The following ZNF44 variants were observed in gnomAD, a reference collection of about 807,000 sequenced individuals.
ZNF44 encodes gonadotropin inducible transcription repressor-2.
In ZNF44, 9 loss-of-function variants were observed where a neutral mutation model predicts 11.7. That is an observed-to-expected ratio of 0.77 (90% CI 0.46 to 1.35). ZNF44 has a LOEUF of 1.35. Ranked by LOEUF, ZNF44 falls within the 40% of genes most tolerant of loss-of-function variation. The pLI, the probability that ZNF44 is intolerant of heterozygous loss-of-function variation, is 0.00. For synonymous variants in ZNF44, 224 were observed against 242.7 expected, an observed-to-expected ratio of 0.92 and a Z score of 0.72; for missense variants, 696 against 743.1, an observed-to-expected ratio of 0.94 and a Z score of 0.74.
chr19:12,258,685 A>G (rs1475645791), intron 5 of ZNF44, among the ~76,000 whole-genome samples: 1 of 151,976 alleles, frequency 6.6e-6, no homozygotes, highest in Non-Finnish European at 1.5e-5. Flanking sequence ...CAAGAATTAG[A>G]TGGGCGTGGT....
chr19:12,292,855 GTTTTTTTTT>G (rs71166664), intron 1 of ZNF44, among the ~76,000 whole-genome samples: 1 of 76,936 alleles, frequency 1.3e-5, no homozygotes, highest in East Asian at 4.0e-4. Context: ...CAGAGGTTAG[GTTTTTTTTT>G]TTTTTTTTTT....
intron 1 of ZNF44, among the ~76,000 whole-genome samples, chr19:12,294,274 C>T (rs1311961773): frequency 6.6e-6 from 1 of 152,208 alleles, no homozygotes; most frequent in Non-Finnish European, 1.5e-5. Flanking sequence ...CGTCCAGACC[C>T]CTAAACACCC....
downstream of ZNF44, among the ~76,000 whole-genome samples, chr19:12,245,177 T>C (rs952309868): frequency 6.6e-6 from 1 of 152,222 alleles, no homozygotes; most frequent in Non-Finnish European, 1.5e-5. Flanking sequence ...TGGACTTATA[T>C]GCAAATGGTA....
chr19:12,284,285 A>G (rs1967620584), intron 1 of ZNF44: 1 of 435,240 alleles, frequency 2.3e-6, no homozygotes. Context: ...ACATGGAGAT[A>G]ACTAAAAGAT....
At chr19:12,226,032 C>T (rs1457358851), downstream of ZNF44, 1 of 152,136 alleles carries the variant, frequency 6.6e-6, no homozygotes, top group Non-Finnish European at 1.5e-5. Flanking sequence ...GATTTAACAA[C>T]ATGTGTGCTA....
chr19:12,294,792 A>G lies in ZNF44; in HGVS notation c.-98T>C. The stretch of plus-strand genomic sequence containing the variant: ...CCACAGATGTCCCAGGGCGTCTCTC[A>G]GTGACAGAATACGGAACAGAGGTCA... On this transcript the variant is annotated 5_prime_UTR_variant, in exon 1 of 4. Transcript: ENST00000355684. 7.0e-7 allele frequency: 1 copy of G among 1,431,018 alleles called. No individual in the cohort carries two copies. The highest frequency in any genetic ancestry group is 9.4e-7 in the Non-Finnish European group (1 of 1,064,382). 88.6% of individuals were successfully genotyped at this position (1,431,018 alleles called of 1,614,324 possible).
chr19:12,257,798 C>CA (rs1221289652), intron 5 of ZNF44, among the ~76,000 whole-genome samples: 3,823 of 53,286 alleles, frequency 0.072, 321 homozygotes, highest in African/African-American at 0.22. Flanking sequence ...AACTCTGTCT[C>CA]AAAAAAAAAA....
At position 12,275,001 on chromosome 19, in the gene ZNF44, G is replaced by C. The variant is rs764863940; in HGVS notation, c.163C>G (p.Gln55Glu). The change falls in exon 3 of 4, where the codon CAG (glutamine) becomes GAG (glutamate). Residue 55 changes from glutamine (Q) to glutamate (E), a missense_variant. Coordinates refer to ENST00000355684, the MANE Select transcript of ZNF44 (RefSeq NM_016264.4). Reference sequence around the variant, plus strand: ...GGATTTCTCCTGAGATTTTGGTGCTGATCATCAATGTTCTGGTTTTCCCAT... The same window carrying C: ...GGATTTCTCCTGAGATTTTGGTGCTCATCATCAATGTTCTGGTTTTCCCAT... ...MKWENQNIDDQHQNLRRNPRC... is the reference protein window; with the variant it reads ...MKWENQNIDDEHQNLRRNPRC... The C allele has an allele frequency of 1.9e-6, 3 of 1,590,254 alleles. No individual in the cohort carries two copies. In the Admixed American group the frequency reaches 5.2e-5, roughly 28 times the overall value.
In ZNF44 at chr19:12,276,078, G is replaced by A; in HGVS notation, c.8C>T (p.Ser3Leu). The change falls in exon 2 of 4, where the codon TCA (serine) becomes TTA (leucine). Residue 3 changes from serine to leucine, a missense_variant. Physicochemically the swap from Ser to Leu is moderately radical, Grantham distance 145. Transcript: ENST00000355684. MD[S>L]VAFEDVAVNF... is the part of the protein sequence containing the mutation. ...CACAGCCACATCCTCAAAGGCCACT[G>A]AGTCCTGAAACATCCCATATGTCCA... 1.2e-6 allele frequency: 2 copies of A among 1,604,514 alleles called. No homozygotes were observed. Among genetic ancestry groups the A allele is most frequent in the African/African-American group, 1.3e-5 (1 of 74,734 alleles).
At position 12,273,817 on chromosome 19, in the gene ZNF44, A is replaced by G. The variant is rs1305674339; in HGVS notation, c.438T>C (p.Cys146=). ...AGTGGCGATAACTTAAGCCTTTCCCACACTGCTTATGTGTATATGACTTCT... is the reference window on the plus strand; with the variant it reads ...AGTGGCGATAACTTAAGCCTTTCCCGCACTGCTTATGTGTATATGACTTCT... ...YAEKSYTHKQ[C]GKGLSYRHSF... is the part of the protein sequence containing the mutation. The change falls in exon 4 of 4, where the codon TGT becomes TGC. Residue 146 remains cysteine, a synonymous_variant. Coordinates refer to ENST00000355684, the MANE Select transcript of ZNF44 (RefSeq NM_016264.4). 3.1e-6 allele frequency: 5 copies of G among 1,614,022 alleles called. No homozygotes were observed. The Admixed American group carries it at 6.7e-5, about 22-fold the overall frequency.
downstream of ZNF44, among the ~76,000 whole-genome samples, chr19:12,268,145 G>GACACACAC (rs71166661): frequency 0.056 from 7,697 of 136,770 alleles, 247 homozygotes; most frequent in Middle Eastern, 0.069. Context: ...CACACACACA[G>GACACACAC]ACACACACAC....
chr19:12,282,424 T>C (rs932500705), intron 1 of ZNF44, among the ~76,000 whole-genome samples: 2 of 148,248 alleles, frequency 1.3e-5, no homozygotes, highest in East Asian at 1.9e-4. Context: ...AAGTCTTCTT[T>C]TTTTTTTTTT....
chr19:12,294,629 G>C, intron 1 of ZNF44, 63 bp downstream of exon 1: 4 of 1,541,474 alleles, frequency 2.6e-6, no homozygotes, highest in Admixed American at 2.0e-5. Flanking sequence ...CGCCACAGCC[G>C]GTTCCGACTG....
chr19:12,228,036 C>T (rs996986475), intron 3 of ZNF44, among the ~76,000 whole-genome samples: 4 of 152,058 alleles, frequency 2.6e-5, no homozygotes, highest in African/African-American at 7.2e-5. Context: ...AAGAGAAACC[C>T]GTTGTGTTTT....
intron 1 of ZNF44, chr19:12,285,221 T>C: frequency 2.4e-6 from 1 of 423,172 alleles, no homozygotes; most frequent in Non-Finnish European, 4.2e-6. Flanking sequence ...AAATTAAGCC[T>C]GAAAAAAATG....
chr19:12,270,586 G>GTA (rs1966918235), downstream of ZNF44, among the ~76,000 whole-genome samples: 1 of 151,832 alleles, frequency 6.6e-6, no homozygotes, highest in Non-Finnish European at 1.5e-5. Flanking sequence ...CAAGTAGCTG[G>GTA]GACTACATGC....
chr19:12,264,861 A>G (rs1200380009), intron 5 of ZNF44, among the ~76,000 whole-genome samples: 1 of 151,926 alleles, frequency 6.6e-6, no homozygotes, highest in Non-Finnish European at 1.5e-5. Context: ...ATGCCTGACT[A>G]ATTTTTTGTA....
chr19:12,276,373 G>GT (rs1234767354), intron 1 of ZNF44, among the ~76,000 whole-genome samples: 1 of 152,176 alleles, frequency 6.6e-6, no homozygotes, highest in Non-Finnish European at 1.5e-5. Flanking sequence ...CAGTGGGTCT[G>GT]TAGTCCTTGT....
intron 1 of ZNF44, among the ~76,000 whole-genome samples, chr19:12,279,016 G>A (rs987535112): frequency 6.6e-6 from 1 of 152,202 alleles, no homozygotes; most frequent in Non-Finnish European, 1.5e-5. Flanking sequence ...ATGAAGACTG[G>A]AAGAGGTCAG....
Sources: gnomAD v4.1 joint callset for allele counts (sites outside exome capture counted in the v4.1 genomes callset) on GRCh38, gnomAD v4.1.1 for gene constraint, MANE v1.5 for transcripts, NCBI Gene and HGNC (gene_info 2026-07-23, HGNC 2026-07-21) for gene names.